AKR1C3: variants seen among roughly 807,000 people sequenced by gnomAD.
The protein encoded by AKR1C3 is aldo-keto reductase family 1 member C3, also known as 3-alpha hydroxysteroid dehydrogenase, type II.
Under a neutral mutation model 43.6 loss-of-function variants are expected in AKR1C3, and 48 were observed. The observed-to-expected ratio is 1.10, with a 90% CI of 0.87 to 1.40. AKR1C3 has a LOEUF of 1.40. Ranked by LOEUF, AKR1C3 falls within the 40% of genes most tolerant of loss-of-function variation. The pLI, the probability that AKR1C3 is intolerant of heterozygous loss-of-function variation, is 0.00. For missense variants in AKR1C3, 482 were observed against 391.2 expected, an observed-to-expected ratio of 1.23 and a Z score of -1.96; for synonymous variants, 162 against 139.6, an observed-to-expected ratio of 1.16 and a Z score of -1.13.
At chr10:5,063,775 A>AAAAAAAAAAAAAAAAAAAAAAAAAG in intron 1 of AKR1C3, among the ~76,000 whole-genome samples, 1 of 144,832 alleles carries the variant, frequency 6.9e-6, no homozygotes, top group Non-Finnish European at 1.5e-5. Flanking sequence ...CAAAAAAAAA[A>AAAAAAAAAAAAAAAAAAAAAAAAAG]AAAAAAAAAA....
In AKR1C3 at chr10:5,097,552, T is replaced by C; in HGVS notation, c.369+2T>C. 6.2e-7 allele frequency: 1 copy of C among 1,613,464 alleles called. No individual in the cohort carries two copies. The highest frequency in any genetic ancestry group is 1.7e-5 in the Admixed American group (1 of 60,006). On this transcript the variant is annotated splice_donor_variant, in intron 3 of 8. Transcript: ENST00000380554. LOFTEE classifies it high-confidence loss of function. ...ATTCATTCTCCAATGTCTCTAAAGGTATGCAGTTTGTATGAGCATAAAATT... is the reference window on the plus strand; with the variant it reads ...ATTCATTCTCCAATGTCTCTAAAGGCATGCAGTTTGTATGAGCATAAAATT...
At chr10:5,097,864 CAG>C (rs781867370) in intron 3 of AKR1C3, 37 of 1,142,904 alleles carry the variant, frequency 3.2e-5, no homozygotes, top group Non-Finnish European at 4.0e-5. Context: ...TTCCCAGACA[CAG>C]AGTTTCATGC....
upstream of AKR1C3, among the ~76,000 whole-genome samples, chr10:5,092,539 T>C (rs1020337823): frequency 2.0e-5 from 3 of 151,460 alleles, no homozygotes; most frequent in East Asian, 5.8e-4. Flanking sequence ...TCCCTAAACA[T>C]GTAGATTATA....
In AKR1C3 at chr10:5,087,140, TTGA is replaced by T. The variant is rs573927196; in HGVS notation, c.85-9267_85-9265del. Among the ~76,000 whole-genome samples, 198 of 152,334 alleles carry T rather than the reference TTGA, an allele frequency of 1.3e-3. 2 individuals are homozygous for T. Among genetic ancestry groups the T allele is most frequent in the South Asian group, 5.6e-3 (27 of 4,828 alleles). On this transcript the variant is annotated intron_variant, in intron 1 of 8. Coordinates refer to the AKR1C3 transcript ENST00000439082. ...GTTAGCTGGTTATTTTGCTCGATAG[TTGA>T]TGCAGTTTCTTCCTAGCCTCGCTGG...
chr10:5,067,368 T>C (rs1328124909), intron 1 of AKR1C3, among the ~76,000 whole-genome samples: 8 of 152,136 alleles, frequency 5.3e-5, no homozygotes, highest in African/African-American at 1.7e-4. Flanking sequence ...CCCTGGTTAG[T>C]TTTACCTTAA....
rs183988113 is a variant in AKR1C3 at position 5,063,852 on chromosome 10, G to T, written c.84+14957G>T. ...GACAGTCATGTGTCATGTAATGCCTGGGCTATCTTCTGAGAAAGGCTCTGT... is the reference window on the plus strand; with the variant it reads ...GACAGTCATGTGTCATGTAATGCCTTGGCTATCTTCTGAGAAAGGCTCTGT... On this transcript the variant is annotated intron_variant, in intron 1 of 8. Coordinates refer to the AKR1C3 transcript ENST00000439082. 4.5e-4 allele frequency among the ~76,000 whole-genome samples: 67 copies of T among 148,768 alleles called. 2 individuals are homozygous for T. In the East Asian group the frequency reaches 8.5e-3, roughly 19 times the overall value.
chr10:5,059,936 G>C (rs900625344), intron 1 of AKR1C3, among the ~76,000 whole-genome samples: 2 of 152,136 alleles, frequency 1.3e-5, no homozygotes, highest in Non-Finnish European at 2.9e-5. Context: ...AAGGCAGCAT[G>C]TCTGGAGTTT....
intron 1 of AKR1C3, among the ~76,000 whole-genome samples, chr10:5,062,326 A>G (rs1554780321): frequency 6.6e-6 from 1 of 152,186 alleles, no homozygotes; most frequent in Non-Finnish European, 1.5e-5. Flanking sequence ...CAGGGAGGCT[A>G]TAAACTTTGG....
At chr10:5,083,053 A>G (rs1554782561) in intron 1 of AKR1C3, among the ~76,000 whole-genome samples, 5 of 149,754 alleles carry the variant, frequency 3.3e-5, no homozygotes, top group Admixed American at 2.7e-4. Context: ...GTGTGTTTCC[A>G]GGAATTTATC....
chr10:5,102,154 G>A lies in AKR1C3; in HGVS notation c.624G>A (p.Ser208=), dbSNP rs200129210. The change falls in exon 6 of 9, where the codon TCG becomes TCA. Residue 208 remains serine, a synonymous_variant. Coordinates refer to ENST00000380554, the MANE Select transcript of AKR1C3 (RefSeq NM_003739.6). ...NRSKLLDFCK[S]KDIVLVAYSA... is the part of the protein sequence containing the mutation. ...GTAAATTGCTAGATTTCTGCAAGTC[G>A]AAAGATATTGTTCTGGTTGCCTATA... 207 of 1,614,030 alleles carry A rather than the reference G, an allele frequency of 1.3e-4. 1 individual carries two copies. The East Asian group carries it at 3.1e-3, about 25-fold the overall frequency.
intron 1 of AKR1C3, among the ~76,000 whole-genome samples, chr10:5,058,502 T>C (rs1838309963): frequency 6.6e-6 from 1 of 152,188 alleles, no homozygotes; most frequent in African/African-American, 2.4e-5. Flanking sequence ...AGCCTGTTGA[T>C]GCCTGAGTGT....
intron 1 of AKR1C3, among the ~76,000 whole-genome samples, chr10:5,057,530 A>G (rs1199922457): frequency 1.3e-5 from 2 of 152,178 alleles, no homozygotes; most frequent in Non-Finnish European, 1.5e-5. Context: ...GGGTGACGGG[A>G]GTATAATTTC....
chr10:5,052,676 T>C (rs4881383), intron 1 of AKR1C3, among the ~76,000 whole-genome samples: 37,397 of 151,828 alleles, frequency 0.25, 4,728 homozygotes, highest in East Asian at 0.41. Flanking sequence ...AGAGTGCCGA[T>C]TGGTATATTT....
chr10:5,105,821 C>T (rs782635836), intron 8 of AKR1C3, 144 bp downstream of exon 8: 5 of 667,984 alleles, frequency 7.5e-6, no homozygotes, highest in Non-Finnish European at 1.3e-5. Flanking sequence ...GGATTCACTC[C>T]AGAGCTCTGT....
chr10:5,051,733 C>T (rs146421424), intron 1 of AKR1C3, among the ~76,000 whole-genome samples: 6 of 152,106 alleles, frequency 3.9e-5, no homozygotes, highest in South Asian at 2.1e-4. Flanking sequence ...ACACAGAGGA[C>T]GTCTTTATGC....
chr10:5,058,931 A>G (rs1328723936), intron 1 of AKR1C3, among the ~76,000 whole-genome samples: 1 of 152,152 alleles, frequency 6.6e-6, no homozygotes, highest in African/African-American at 2.4e-5. Context: ...TTAGGACTTT[A>G]CCCCTGTCCT....
intron 1 of AKR1C3, among the ~76,000 whole-genome samples, chr10:5,076,784 G>A (rs1588342179): frequency 1.3e-5 from 2 of 152,046 alleles, no homozygotes; most frequent in South Asian, 4.2e-4. Context: ...GCTCTGTCTG[G>A]GGGAAGTTCT....
chr10:5,091,722 A>T (rs1554784215), upstream of AKR1C3, among the ~76,000 whole-genome samples: 1 of 152,138 alleles, frequency 6.6e-6, no homozygotes, highest in Non-Finnish European at 1.5e-5. Context: ...TTTCCACTTC[A>T]CATTATTGAT....
At chr10:5,075,810 G>A (rs1838705085) in intron 1 of AKR1C3, among the ~76,000 whole-genome samples, 1 of 151,948 alleles carries the variant, frequency 6.6e-6, no homozygotes, top group Non-Finnish European at 1.5e-5. Flanking sequence ...GGAGGCAGAG[G>A]TTGCAGTGAG....
Sources: allele counts gnomAD v4.1 joint callset (sites outside exome capture counted in the v4.1 genomes callset), GRCh38; gene constraint gnomAD v4.1.1; transcripts MANE v1.5; gene names NCBI Gene and HGNC (gene_info 2026-07-23, HGNC 2026-07-21).